The following RGL1 variants were observed in gnomAD, a reference collection of about 807,000 sequenced individuals.
The protein encoded by RGL1 is ral guanine nucleotide dissociation stimulator-like 1.
Under a neutral mutation model 95.2 loss-of-function variants are expected in RGL1, and 24 were observed. That is an observed-to-expected ratio of 0.25 (90% CI 0.18 to 0.35). The LOEUF is 0.35. RGL1 is among the 10% of genes least tolerant of loss of function. The probability of loss-of-function intolerance (pLI) is 1.00; values close to 1 mark genes in which losing one functional copy is unlikely to be tolerated. For synonymous variants in RGL1, 329 were observed against 344.9 expected, an observed-to-expected ratio of 0.95 and a Z score of 0.51; for missense variants, 715 against 936.3, an observed-to-expected ratio of 0.76 and a Z score of 3.08.
chr1:183,865,313 G>C (rs1665759168), intron 3 of RGL1, among the ~76,000 whole-genome samples: 1 of 152,112 alleles, frequency 6.6e-6, no homozygotes, highest in African/African-American at 2.4e-5. Context: ...AGCATCTATT[G>C]CTTTCCCAAA....
intron 1 of RGL1, among the ~76,000 whole-genome samples, chr1:183,673,736 T>C (rs1652636099): frequency 6.6e-6 from 1 of 152,266 alleles, no homozygotes; most frequent in African/African-American, 2.4e-5. Flanking sequence ...GAAGTCTTGC[T>C]ATGATGGCAT....
chr1:183,920,343 T>G (rs768972337), intron 16 of RGL1, among the ~76,000 whole-genome samples: 6 of 152,210 alleles, frequency 3.9e-5, no homozygotes, highest in Non-Finnish European at 8.8e-5. Context: ...TCCTAAAAAC[T>G]TTTTAATTGT....
chr1:183,746,988 C>CT (rs896176021), intron 2 of RGL1, among the ~76,000 whole-genome samples: 3 of 151,982 alleles, frequency 2.0e-5, no homozygotes, highest in African/African-American at 7.2e-5. Flanking sequence ...ATGAACTCAT[C>CT]TTTTTTTTAT....
intron 2 of RGL1, among the ~76,000 whole-genome samples, chr1:183,829,716 C>G (rs1663129457): frequency 1.3e-5 from 2 of 152,202 alleles, no homozygotes; most frequent in Admixed American, 1.3e-4. Flanking sequence ...TTGGTTCACT[C>G]TCCTTTGGCC....
chr1:183,775,802 C>G (rs74444205), intron 2 of RGL1, among the ~76,000 whole-genome samples: 1 of 152,120 alleles, frequency 6.6e-6, no homozygotes, highest in South Asian at 2.1e-4. Flanking sequence ...TCAGGATTGT[C>G]AAAACCACTT....
intron 7 of RGL1, among the ~76,000 whole-genome samples, chr1:183,886,929 C>G (rs185714458): frequency 2.6e-5 from 4 of 152,052 alleles, no homozygotes; most frequent in Admixed American, 6.6e-5. Context: ...GAAATGGGAC[C>G]AGATGCCTTT....
chr1:183,838,292 T>A (rs74694151), intron 2 of RGL1, among the ~76,000 whole-genome samples: 2,505 of 152,274 alleles, frequency 0.016, 35 homozygotes, highest in Middle Eastern at 0.034. Flanking sequence ...GGAGTACTAC[T>A]CTTTTTCAGG....
chr1:183,710,213 C>A, intron 1 of RGL1: 1 of 202,702 alleles, frequency 4.9e-6, no homozygotes, highest in Admixed American at 5.2e-5. Context: ...CTTCGATGCA[C>A]ACTCTTACCA....
At chr1:183,753,695 C>T (rs981816652) in intron 2 of RGL1, among the ~76,000 whole-genome samples, 6 of 152,202 alleles carry the variant, frequency 3.9e-5, no homozygotes, top group Non-Finnish European at 5.9e-5. Context: ...AGTTTTCTTG[C>T]TACAAGCCCA....
At chr1:183,739,865 C>T (rs1466557278) in intron 1 of RGL1, among the ~76,000 whole-genome samples, 4 of 152,166 alleles carry the variant, frequency 2.6e-5, no homozygotes, top group African/African-American at 7.2e-5. Context: ...CAACTTTCAC[C>T]CACACTGTGG....
At chr1:183,923,864 CTTG>C (rs1288038997) in intron 17 of RGL1, among the ~76,000 whole-genome samples, 8 of 152,188 alleles carry the variant, frequency 5.3e-5, no homozygotes, top group Non-Finnish European at 8.8e-5. Context: ...TCATATCAGT[CTTG>C]TTGTTGGATA....
chr1:183,638,032 A>G (rs770382264), intron 1 of RGL1, among the ~76,000 whole-genome samples: 2 of 152,180 alleles, frequency 1.3e-5, no homozygotes, highest in Non-Finnish European at 2.9e-5. Flanking sequence ...ATCGAACATT[A>G]GAGGCACTAT....
At chr1:183,916,972 T>C (rs930912967) in intron 16 of RGL1, among the ~76,000 whole-genome samples, 2 of 152,154 alleles carry the variant, frequency 1.3e-5, no homozygotes, top group African/African-American at 4.8e-5. Context: ...CTAAAACTTA[T>C]TCGTTTAGGT....
intron 4 of RGL1, among the ~76,000 whole-genome samples, chr1:183,879,187 C>T (rs1279289133): frequency 1.5e-5 from 2 of 135,818 alleles, no homozygotes; most frequent in East Asian, 2.2e-4. Context: ...AATGCTTTAA[C>T]GTTCCACATT....
At chr1:183,859,970 A>G (rs1665405348) in intron 3 of RGL1, among the ~76,000 whole-genome samples, 1 of 152,178 alleles carries the variant, frequency 6.6e-6, no homozygotes, top group South Asian at 2.1e-4. Context: ...AAACAGTCCA[A>G]AGTCTTCACT....
chr1:183,740,693 G>A (rs985113759), intron 1 of RGL1, among the ~76,000 whole-genome samples: 1 of 151,990 alleles, frequency 6.6e-6, no homozygotes, highest in African/African-American at 2.4e-5. Context: ...TCCCTTTTTT[G>A]TGAAGAACTT....
chr1:183,748,878 C>G (rs1425796019), intron 2 of RGL1, among the ~76,000 whole-genome samples: 2 of 152,110 alleles, frequency 1.3e-5, no homozygotes, highest in African/African-American at 4.8e-5. Context: ...TGGTTATTTA[C>G]CCAGTAATCA....
intron 1 of RGL1, among the ~76,000 whole-genome samples, chr1:183,695,119 G>A (rs1654177743): frequency 6.6e-6 from 1 of 152,202 alleles, no homozygotes; most frequent in Non-Finnish European, 1.5e-5. Flanking sequence ...GTTCATGTGT[G>A]GAGTCTGCTC....
At chr1:183,795,662 T>C (rs1660663031) in intron 2 of RGL1, among the ~76,000 whole-genome samples, 1 of 152,232 alleles carries the variant, frequency 6.6e-6, no homozygotes, top group African/African-American at 2.4e-5. Context: ...CTTTAGGCTT[T>C]TATACTGAGC....
Sources: gnomAD v4.1 joint callset for allele counts (sites outside exome capture counted in the v4.1 genomes callset) on GRCh38, gnomAD v4.1.1 for gene constraint, MANE v1.5 for transcripts, NCBI Gene and HGNC (gene_info 2026-07-23, HGNC 2026-07-21) for gene names.